Variants in CAD observed in about 807,000 individuals in gnomAD.
CAD encodes carbamoyl-phosphate synthetase 2, aspartate transcarbamylase, and dihydroorotase, also known as multifunctional protein CAD.
CAD carries 81 observed loss-of-function variants against 237.2 expected under a neutral mutation model. The ratio of observed to expected loss-of-function variants is 0.34; its 90% CI spans 0.29 to 0.41. The LOEUF (loss-of-function observed/expected upper bound fraction) is 0.41, where lower values mean the gene tolerates loss of function less well. CAD is among the 10% of genes least tolerant of loss of function. CAD has a pLI of 1.00. For missense variants in CAD, 2,181 were observed against 2,951.7 expected, an observed-to-expected ratio of 0.74 and a Z score of 6.05; for synonymous variants, 1,196 against 1,162.8, an observed-to-expected ratio of 1.03 and a Z score of -0.58.
Position 27,235,207 on chromosome 2 carries a change from C to G in CAD, c.3787-38C>G, listed in dbSNP as rs762828119. The G allele has an allele frequency of 1.5e-5, 24 of 1,550,682 alleles. No individual in the cohort carries two copies. In the South Asian group the frequency reaches 2.1e-4, roughly 13 times the overall value. ...CTGCTGGTGAGGGAGGAGGTCCTCTCACACCTTGGCCCTCTCTCTTCCCTC... is the reference window on the plus strand; with the variant it reads ...CTGCTGGTGAGGGAGGAGGTCCTCTGACACCTTGGCCCTCTCTCTTCCCTC... On this transcript the variant is annotated intron_variant, in intron 23 of 43. Transcript: ENST00000264705. This position sits in a 1 kb window ranked among gnomAD's most constrained non-coding sequence, Gnocchi z 5.2.
Position 27,225,796 on chromosome 2 carries a change from G to C in CAD, c.1712G>C (p.Arg571Thr), listed in dbSNP as rs529037185. The change falls in exon 12 of 44, where the codon AGG becomes ACG. Residue 571 changes from arginine to threonine, a missense_variant. By Grantham distance (71) the Arg-to-Thr change is moderately conservative. This residue lies in a region of CAD where 174 missense variants were observed against 215.8 expected (regional missense o/e 0.81). Transcript: ENST00000264705. The stretch of plus-strand genomic sequence containing the variant: ...CTGGGCTCTGGCTTTGCCTCTAACA[G>C]GGAGGAGCTCTCTGCTCTCGTGGCC... ...GGLGSGFASN[R>T]EELSALVAPA... 3.1e-6 allele frequency: 5 copies of C among 1,614,184 alleles called. No individual in the cohort carries two copies. The African/African-American group carries it at 6.7e-5, about 22-fold the overall frequency.
intron 15 of CAD, among the ~76,000 whole-genome samples, chr2:27,227,958 A>G (rs181916515): frequency 6.6e-6 from 1 of 152,366 alleles, no homozygotes; most frequent in East Asian, 1.9e-4. Context: ...ATTTCTAGGC[A>G]TATGTGTATG....
At position 27,243,825 on chromosome 2, in the gene CAD, T is replaced by G. The variant is rs1029064832; in HGVS notation, c.*307T>G. 1 of 331,946 alleles carries G rather than the reference T, an allele frequency of 3.0e-6. No individual in the cohort carries two copies. The allele number at this position is 331,946 out of a possible 1,614,324, so 20.6% of individuals were successfully genotyped here. ...AGAACAGAGCTTTCTTTTAGAAAAT[T>G]GAGCAGATTCCCAAATTATAAGAGC... On this transcript the variant is annotated 3_prime_UTR_variant, in exon 44 of 44. Coordinates refer to ENST00000264705, the MANE Select transcript of CAD (RefSeq NM_004341.5).
chr2:27,236,588 A>G lies in CAD; in HGVS notation c.4314+65A>G. On this transcript the variant is annotated intron_variant, in intron 26 of 43. Coordinates refer to ENST00000264705, the MANE Select transcript of CAD (RefSeq NM_004341.5). This position sits in a 1 kb window ranked among gnomAD's most constrained non-coding sequence, Gnocchi z 4.1. ...TTGATGGGAAGAAGAAAGAGGGAGG[A>G]GTGAGTATGGAACAGCCATGCTAGT... The G allele has an allele frequency of 6.3e-7, 1 of 1,595,528 alleles. No individual in the cohort carries two copies. The highest frequency in any genetic ancestry group is 1.7e-5 in the Admixed American group (1 of 59,790).
At chr2:27,217,737 C>A (rs569952385) in intron 1 of CAD, 104 bp downstream of exon 1, 23 of 1,432,432 alleles carry the variant, frequency 1.6e-5, no homozygotes, top group Non-Finnish European at 2.1e-5. Flanking sequence ...CAGCGTACCC[C>A]CTTCCCCCAT....
chr2:27,242,901 G>A lies in CAD; in HGVS notation c.6408G>A (p.Leu2136=), dbSNP rs2148100811. The change falls in exon 42 of 44, where the codon CTG becomes CTA. Residue 2136 remains leucine, a synonymous_variant. Coordinates refer to ENST00000264705, the MANE Select transcript of CAD (RefSeq NM_004341.5). The surrounding 1 kb of genome is among the most constrained non-coding windows in gnomAD (Gnocchi z 6.4). ...QEEFESIEEA[L]PDTDVLYMTR... is the part of the protein sequence containing the mutation. ...AATTCGAGAGCATTGAGGAGGCGCT[G>A]CCTGACACTGATGTGCTCTACATGA... is the stretch of plus-strand genomic sequence containing the variant. The A allele has an allele frequency of 6.2e-7, 1 of 1,614,088 alleles. No homozygotes were observed. Among genetic ancestry groups the A allele is most frequent in the Non-Finnish European group, 8.5e-7 (1 of 1,179,944 alleles).
chr2:27,222,265 G>A lies in CAD; in HGVS notation c.424G>A (p.Gly142Arg). Reference sequence around the variant, plus strand: ...TCTGCTGGGGAAGCTGGTCCAGAATGGAACAGAACCTTCATCCCTGCCATT... The same window carrying A: ...TCTGCTGGGGAAGCTGGTCCAGAATAGAACAGAACCTTCATCCCTGCCATT... ...GSLLGKLVQNGTEPSSLPFLD... is the reference protein window; with the variant it reads ...GSLLGKLVQNRTEPSSLPFLD... Residue 142 changes from glycine to arginine, a missense_variant, in exon 4 of 44, where the codon GGA becomes AGA. Transcript: ENST00000264705. 1 of 1,614,018 alleles carries A rather than the reference G, an allele frequency of 6.2e-7. No individual in the cohort carries two copies. The highest frequency in any genetic ancestry group is 8.5e-7 in the Non-Finnish European group (1 of 1,179,968).
rs148366620 is a variant in CAD, at chr2:27,235,178, G to C, written c.3787-67G>C. 7 of 1,409,818 alleles carry C rather than the reference G, an allele frequency of 5.0e-6. No individual in the cohort carries two copies. The highest frequency in any genetic ancestry group is 6.8e-6 in the Non-Finnish European group (7 of 1,028,830). 87.3% of individuals were successfully genotyped at this position (1,409,818 alleles called of 1,614,324 possible). On this transcript the variant is annotated intron_variant, in intron 23 of 43. Coordinates refer to ENST00000264705, the MANE Select transcript of CAD (RefSeq NM_004341.5). This position sits in a 1 kb window ranked among gnomAD's most constrained non-coding sequence, Gnocchi z 5.2. The stretch of plus-strand genomic sequence containing the variant: ...GGATCAAGCACAGGGTACTGTGTCC[G>C]TCTCTGCTGGTGAGGGAGGAGGTCC...
At chr2:27,228,378 C>CT (rs1167693551) in intron 15 of CAD, among the ~76,000 whole-genome samples, 1 of 152,150 alleles carries the variant, frequency 6.6e-6, no homozygotes, top group Non-Finnish European at 1.5e-5. Context: ...TTTGTGTTAC[C>CT]TATTGCCTCT....
In CAD at chr2:27,233,161, C is replaced by G. The variant is rs1414960806; in HGVS notation, c.2991+21C>G. The G allele has an allele frequency of 1.9e-6, 3 of 1,579,062 alleles. No individual in the cohort carries two copies. The highest frequency in any genetic ancestry group is 2.6e-6 in the Non-Finnish European group (3 of 1,148,204). On this transcript the variant is annotated intron_variant, in intron 19 of 43. Coordinates refer to ENST00000264705, the MANE Select transcript of CAD (RefSeq NM_004341.5). This position sits in a 1 kb window ranked among gnomAD's most constrained non-coding sequence, Gnocchi z 6.3. The stretch of plus-strand genomic sequence containing the variant: ...TTGAGGTGAGGGAGATGGAGGCTTC[C>G]TGGTAGCTTGAGTGGCCAGGGTCGA...
intron 5 of CAD, 86 bp downstream of exon 5, chr2:27,222,746 G>A: frequency 6.3e-7 from 1 of 1,581,968 alleles, no homozygotes; most frequent in South Asian, 1.1e-5. Flanking sequence ...AAAGTCAGTA[G>A]GAGTTGCAGT....
chr2:27,223,767 G>A lies in CAD; in HGVS notation c.995+19G>A, dbSNP rs1017944364. 3 of 1,612,230 alleles carry A rather than the reference G, an allele frequency of 1.9e-6. No individual in the cohort carries two copies. Among genetic ancestry groups the A allele is most frequent in the Non-Finnish European group, 1.7e-6 (2 of 1,178,540 alleles). On this transcript the variant is annotated intron_variant, in intron 7 of 43. Transcript: ENST00000264705. ...TCTTCAGGTGAGCCTGGTTGACTGGGTCTGTGAAAATTTGAAGCCCTGTGG... is the reference window on the plus strand; with the variant it reads ...TCTTCAGGTGAGCCTGGTTGACTGGATCTGTGAAAATTTGAAGCCCTGTGG...
chr2:27,238,624 C>T lies in CAD; in HGVS notation c.5054C>T (p.Ser1685Leu). 3 of 1,610,002 alleles carry T rather than the reference C, an allele frequency of 1.9e-6. No homozygotes were observed. Among genetic ancestry groups the T allele is most frequent in the Non-Finnish European group, 1.7e-6 (2 of 1,178,090 alleles). Reference sequence around the variant, plus strand: ...ATGGCTGTCATCGACTGCTTTGCCTCAGACCATGGTGAGAGAATCCAGCAT... The same window carrying T: ...ATGGCTGTCATCGACTGCTTTGCCTTAGACCATGGTGAGAGAATCCAGCAT... ...ENMAVIDCFA[S>L]DHAPHTLEEK... Residue 1685 changes from serine (S) to leucine (L), a missense_variant, in exon 31 of 44, where the codon TCA (serine) becomes TTA (leucine). By Grantham distance (145) the Ser-to-Leu change is moderately radical. Transcript: ENST00000264705.
chr2:27,231,592 C>A lies in CAD; in HGVS notation c.2400+12C>A. The A allele has an allele frequency of 1.9e-6, 3 of 1,542,720 alleles. No homozygotes were observed. Among genetic ancestry groups the A allele is most frequent in the Non-Finnish European group, 2.7e-6 (3 of 1,115,290 alleles). Reference sequence around the variant, plus strand: ...CAGTCAGCGATATGGTAAGTAGCTCCCCTCCCCTGGCAATACCCCTAAAAT... The same window carrying A: ...CAGTCAGCGATATGGTAAGTAGCTCACCTCCCCTGGCAATACCCCTAAAAT... On this transcript the variant is annotated intron_variant, in intron 16 of 43. Transcript: ENST00000264705.
rs1676072392 is a variant in CAD at position 27,237,522 on chromosome 2, C to T, written c.4540C>T (p.Pro1514Ser). 2 of 1,613,576 alleles carry T rather than the reference C, an allele frequency of 1.2e-6. No individual in the cohort carries two copies. Among genetic ancestry groups the T allele is most frequent in the African/African-American group, 1.3e-5 (1 of 74,926 alleles). Residue 1514 changes from proline to serine, a missense_variant, in exon 28 of 44, where the codon CCT becomes TCT. Pro to Ser is a moderately conservative substitution (Grantham distance 74). This residue lies in a region of CAD where 478 missense variants were observed against 515.0 expected (regional missense o/e 0.93). Transcript: ENST00000264705. The surrounding 1 kb of genome is among the most constrained non-coding windows in gnomAD (Gnocchi z 4.0). ...PNTRPPIIDA[P>S]ALALAQKLAE... The stretch of plus-strand genomic sequence containing the variant: ...TACCCGGCCCCCCATCATTGACGCC[C>T]CTGCTCTGGCCCTGGCCCAGAAGGT...
In CAD at chr2:27,232,742, T is replaced by C; in HGVS notation, c.2892+48T>C. 1.9e-6 allele frequency: 3 copies of C among 1,609,660 alleles called. No homozygotes were observed. Among genetic ancestry groups the C allele is most frequent in the Non-Finnish European group, 2.5e-6 (3 of 1,176,620 alleles). On this transcript the variant is annotated intron_variant, in intron 18 of 43. Coordinates refer to ENST00000264705, the MANE Select transcript of CAD (RefSeq NM_004341.5). The surrounding 1 kb of genome is among the most constrained non-coding windows in gnomAD (Gnocchi z 4.1). ...CACTTTCCTTGCTATTCTGTTCATCTCTAGCAATTGCTTGGCACTAATCCT... is the reference window on the plus strand; with the variant it reads ...CACTTTCCTTGCTATTCTGTTCATCCCTAGCAATTGCTTGGCACTAATCCT...
Position 27,226,289 on chromosome 2 carries a change from G to A in CAD, c.2001G>A (p.Val667=). ...TGGGAATTGTTGGGGAGTGCAATGT[G>A]CAGTATGCCTTGAACCCTGAGTCTG... ...QHLGIVGECN[V]QYALNPESEQ... The change falls in exon 13 of 44, where the codon GTG becomes GTA. Residue 667 remains valine, a synonymous_variant. Transcript: ENST00000264705. 7 of 1,614,240 alleles carry A rather than the reference G, an allele frequency of 4.3e-6. No individual in the cohort carries two copies. The highest frequency in any genetic ancestry group is 5.9e-6 in the Non-Finnish European group (7 of 1,180,030).
Position 27,239,850 on chromosome 2 carries a change from A to T in CAD, c.5496+52A>T. ...TGGGAGGTGTTAGTCTCAGGGCAGG[A>T]TGAACAGCTTGAACATTTTCATTGG... On this transcript the variant is annotated intron_variant, in intron 34 of 43. Coordinates refer to ENST00000264705, the MANE Select transcript of CAD (RefSeq NM_004341.5). This position sits in a 1 kb window ranked among gnomAD's most constrained non-coding sequence, Gnocchi z 4.0. The T allele has an allele frequency of 7.8e-7, 1 of 1,288,046 alleles. No individual in the cohort carries two copies. The highest frequency in any genetic ancestry group is 1.1e-6 in the Non-Finnish European group (1 of 933,482). 79.8% of individuals were successfully genotyped at this position (1,288,046 alleles called of 1,614,324 possible). A position where few individuals can be genotyped will look rare whatever the true frequency, so the allele number is the denominator to read the frequency against.
At chr2:27,218,258 C>G (rs911738822) in intron 2 of CAD, among the ~76,000 whole-genome samples, 1 of 152,148 alleles carries the variant, frequency 6.6e-6, no homozygotes, top group Non-Finnish European at 1.5e-5. Context: ...ATCAAGGCTC[C>G]AGGTATAGCT....
Sources: gnomAD v4.1 joint callset for allele counts (sites outside exome capture counted in the v4.1 genomes callset) on GRCh38, gnomAD v4.1.1 for gene constraint, gnomAD v4.1.1 regional missense constraint, Gnocchi (gnomAD v3.1) non-coding constraint, MANE v1.5 for transcripts, NCBI Gene and HGNC (gene_info 2026-07-23, HGNC 2026-07-21) for gene names.